Variants in ZNRF3 observed in about 807,000 individuals in gnomAD.
The protein encoded by ZNRF3 is E3 ubiquitin-protein ligase ZNRF3.
ZNRF3 carries 23 observed loss-of-function variants against 72.5 expected under a neutral mutation model. That is an observed-to-expected ratio of 0.32 (90% CI 0.23 to 0.45). The LOEUF is 0.45. Among genes scored for constraint, ZNRF3 ranks in the 20% least tolerant of loss-of-function variants. The pLI is 1.00. For synonymous variants in ZNRF3, 610 were observed against 545.3 expected, an observed-to-expected ratio of 1.12 and a Z score of -1.65; for missense variants, 1,169 against 1,272.1, an observed-to-expected ratio of 0.92 and a Z score of 1.23.
intron 2 of ZNRF3, among the ~76,000 whole-genome samples, chr22:29,033,350 CAAAA>C (rs60310622): frequency 0.011 from 737 of 66,110 alleles, 2 homozygotes; most frequent in African/African-American, 0.042. Context: ...GACTCCATCT[CAAAA>C]AAAAAAAAAA....
At chr22:29,045,485 T>C (rs1395491118) in intron 5 of ZNRF3, among the ~76,000 whole-genome samples, 1 of 152,046 alleles carries the variant, frequency 6.6e-6, no homozygotes, top group Non-Finnish European at 1.5e-5. Flanking sequence ...AGGAAGTGTT[T>C]ATTTTATTTT....
intron 5 of ZNRF3, among the ~76,000 whole-genome samples, chr22:29,046,411 A>ACT (rs2037071044): frequency 6.6e-6 from 1 of 152,138 alleles, no homozygotes; most frequent in Admixed American, 6.5e-5. Flanking sequence ...CAGGTTGATA[A>ACT]CTCGGGGTCT....
At chr22:29,051,561 G>GCT (rs1718499652) in intron 8 of ZNRF3, among the ~76,000 whole-genome samples, 1 of 145,482 alleles carries the variant, frequency 6.9e-6, no homozygotes, top group Admixed American at 7.1e-5. Context: ...CCAAGATCAA[G>GCT]CTACTGCACT....
Position 29,050,264 on chromosome 22 carries a change from C to G in ZNRF3, c.2083C>G (p.Pro695Ala), listed in dbSNP as rs773142324. The change falls in exon 8 of 9, where the codon CCT becomes GCT. Residue 695 changes from proline to alanine, a missense_variant. Around this residue, in one of 2 missense-constraint regions of ZNRF3, gnomAD observed 783 missense variants for 731.4 expected, o/e 1.07. Transcript: ENST00000544604. ...GCTCGAGGCTTCTCCTGGGGCCGCC[C>G]CTGACCTCAGGAGGACCTGGAAGGG... is the stretch of plus-strand genomic sequence containing the variant. ...VGLEASPGAAPDLRRTWKGGH... is the reference protein window; with the variant it reads ...VGLEASPGAAADLRRTWKGGH... 6.3e-7 allele frequency: 1 copy of G among 1,598,520 alleles called. No individual in the cohort carries two copies. The highest frequency in any genetic ancestry group is 8.5e-7 in the Non-Finnish European group (1 of 1,179,232).
intron 1 of ZNRF3, among the ~76,000 whole-genome samples, chr22:28,904,871 G>T (rs1281778805): frequency 1.3e-5 from 2 of 151,648 alleles, no homozygotes; most frequent in African/African-American, 4.8e-5. Flanking sequence ...TCTGGCTCAG[G>T]AATCTGTTCT....
intron 1 of ZNRF3, among the ~76,000 whole-genome samples, chr22:28,981,555 T>C (rs1026827221): frequency 2.6e-5 from 4 of 152,132 alleles, no homozygotes; most frequent in Non-Finnish European, 5.9e-5. Flanking sequence ...TCTTAAAAAA[T>C]AAAAATGAAA....
intron 1 of ZNRF3, among the ~76,000 whole-genome samples, chr22:28,895,668 A>G (rs1344092173): frequency 1.3e-5 from 2 of 151,968 alleles, no homozygotes; most frequent in Non-Finnish European, 2.9e-5. Context: ...CTCCGTCTCA[A>G]AAAAAAAGAA....
At chr22:28,981,753 T>C (rs1481635426) in intron 1 of ZNRF3, among the ~76,000 whole-genome samples, 1 of 152,180 alleles carries the variant, frequency 6.6e-6, no homozygotes, top group Non-Finnish European at 1.5e-5. Context: ...TCCCAGCGTT[T>C]TGGGAGTCCA....
chr22:28,933,752 A>ACTCTCTCT (rs372627987), intron 1 of ZNRF3, among the ~76,000 whole-genome samples: 93 of 40,842 alleles, frequency 2.3e-3, no homozygotes, highest in African/African-American at 0.011. Context: ...ACACACACTC[A>ACTCTCTCT]CTCTCTCTCT....
At chr22:29,021,499 T>G (rs2036538760) in intron 2 of ZNRF3, among the ~76,000 whole-genome samples, 2 of 151,804 alleles carry the variant, frequency 1.3e-5, no homozygotes, top group Non-Finnish European at 2.9e-5. Flanking sequence ...TCTTTTTTTT[T>G]TTTTTGGAGA....
chr22:29,016,766 A>G (rs2036444923), intron 2 of ZNRF3, among the ~76,000 whole-genome samples: 1 of 152,224 alleles, frequency 6.6e-6, no homozygotes, highest in African/African-American at 2.4e-5. Flanking sequence ...GGGCTGCTCT[A>G]TCTCAGAGCA....
intron 2 of ZNRF3, among the ~76,000 whole-genome samples, chr22:29,041,830 C>G (rs1447284657): frequency 6.6e-6 from 1 of 152,048 alleles, no homozygotes; most frequent in Non-Finnish European, 1.5e-5. Context: ...GAGACTCATT[C>G]AGAAATACTC....
chr22:29,009,642 A>G (rs2036315573), intron 2 of ZNRF3, among the ~76,000 whole-genome samples: 1 of 152,156 alleles, frequency 6.6e-6, no homozygotes, highest in African/African-American at 2.4e-5. Context: ...TTAAAATCCA[A>G]GAAGATTTTT....
At chr22:29,046,623 T>C in intron 5 of ZNRF3, 93 bp from the exon 6 acceptor site, 2 of 1,329,798 alleles carry the variant, frequency 1.5e-6, no homozygotes, top group South Asian at 1.9e-5. Context: ...GAGAATTGTC[T>C]GCCTGTCCCA....
intron 1 of ZNRF3, among the ~76,000 whole-genome samples, chr22:28,913,132 G>A (rs1476154798): frequency 6.6e-6 from 1 of 152,238 alleles, no homozygotes; most frequent in African/African-American, 2.4e-5. Flanking sequence ...CCCAAGATGA[G>A]CTTTTCTCAA....
At chr22:29,008,318 C>G (rs1012834126) in intron 2 of ZNRF3, among the ~76,000 whole-genome samples, 3 of 152,162 alleles carry the variant, frequency 2.0e-5, no homozygotes, top group African/African-American at 7.2e-5. Context: ...CCCCGAGGAA[C>G]GAGTTTGCTG....
intron 8 of ZNRF3, among the ~76,000 whole-genome samples, chr22:29,052,733 G>A (rs2037229874): frequency 6.6e-6 from 1 of 151,590 alleles, no homozygotes; most frequent in Admixed American, 6.6e-5. Flanking sequence ...GAGTGCTTTG[G>A]AAGGCCAAGG....
intron 1 of ZNRF3, among the ~76,000 whole-genome samples, chr22:28,978,393 C>T (rs895643973): frequency 3.3e-5 from 5 of 152,304 alleles, no homozygotes; most frequent in Admixed American, 6.5e-5. Flanking sequence ...CTTTCTCTTA[C>T]CGTGTGTCCC....
At chr22:28,987,722 G>A (rs552905114) in intron 2 of ZNRF3, among the ~76,000 whole-genome samples, 6 of 152,326 alleles carry the variant, frequency 3.9e-5, no homozygotes, top group Admixed American at 1.3e-4. Flanking sequence ...AAATAGCCTC[G>A]TGTTAGTTCA....
Sources: gnomAD v4.1 joint callset for allele counts (sites outside exome capture counted in the v4.1 genomes callset) on GRCh38, gnomAD v4.1.1 for gene constraint, gnomAD v4.1.1 regional missense constraint, MANE v1.5 for transcripts, NCBI Gene and HGNC (gene_info 2026-07-23, HGNC 2026-07-21) for gene names.